The following USP35 variants were observed in gnomAD, a reference collection of about 807,000 sequenced individuals.
USP35 encodes ubiquitin specific peptidase 35, also known as ubiquitin carboxyl-terminal hydrolase 35.
USP35 carries 69 observed loss-of-function variants against 83.8 expected under a neutral mutation model. The ratio of observed to expected loss-of-function variants is 0.82; its 90% CI spans 0.68 to 1.01. The LOEUF (loss-of-function observed/expected upper bound fraction) is 1.01, where lower values mean the gene tolerates loss of function less well. USP35 is among the 50% of genes least tolerant of loss of function. The probability of loss-of-function intolerance (pLI) is 0.00; values close to 1 mark genes in which losing one functional copy is unlikely to be tolerated. For synonymous variants in USP35, 714 were observed against 589.5 expected (o/e 1.21, Z -3.06); for missense variants, 1,503 against 1,362.5 (o/e 1.10, Z -1.62).
chr11:78,191,810 A>G (rs145526344), intron 1 of USP35, among the ~76,000 whole-genome samples: 6 of 151,864 alleles, frequency 4.0e-5, no homozygotes, highest in Non-Finnish European at 8.8e-5. Context: ...CAGGTGGCCC[A>G]AAAATAGACT....
chr11:78,222,192 T>G, the USP35 span: 2 of 1,612,060 alleles, frequency 1.2e-6, no homozygotes, highest in South Asian at 2.2e-5. Context: ...TGGTGTTGGC[T>G]TTGCTGGAGC....
At position 78,213,780 on chromosome 11, in the gene USP35, C is replaced by CA; in HGVS notation, c.3026dup (p.Asn1009LysfsTer4). On this transcript the variant is annotated frameshift_variant, in exon 11 of 11. Transcript: ENST00000529308. LOFTEE classifies it high-confidence loss of function. ...CAGGGGGCTGCAATCCTGCAGGTGG[C>CA]AATGGTGGTGACTTCCACAGACTGG... is the stretch of plus-strand genomic sequence containing the variant. The CA allele has an allele frequency of 6.4e-7, 1 of 1,550,472 alleles. No homozygotes were observed. Among genetic ancestry groups the CA allele is most frequent in the Non-Finnish European group, 8.6e-7 (1 of 1,156,646 alleles).
chr11:78,224,063 C>G, the USP35 span, among the ~76,000 whole-genome samples: 1 of 151,972 alleles, frequency 6.6e-6, no homozygotes, highest in African/African-American at 2.4e-5. Flanking sequence ...GCCTGGGTGA[C>G]AGAGTGAGAC....
At chr11:78,217,514 GT>G (rs1017976768), downstream of USP35, 2 of 152,308 alleles carry the variant, frequency 1.3e-5, no homozygotes, top group Non-Finnish European at 2.9e-5. Flanking sequence ...AGTGGTAGCT[GT>G]CCCCATCAAA....
At chr11:78,227,303 A>C in the USP35 span, among the ~76,000 whole-genome samples, 1 of 152,250 alleles carries the variant, frequency 6.6e-6, no homozygotes, top group East Asian at 1.9e-4. Flanking sequence ...AGTATCAATA[A>C]GCCAGATGGA....
rs781468162 is a variant in USP35, at chr11:78,205,921, C to T, written c.1277C>T (p.Ala426Val). 34 of 1,614,124 alleles carry T rather than the reference C, an allele frequency of 2.1e-5. No individual in the cohort carries two copies. The highest frequency in any genetic ancestry group is 2.7e-5 in the Non-Finnish European group (32 of 1,180,048). Residue 426 changes from alanine to valine, a missense_variant, in exon 7 of 11, where the codon GCG (alanine) becomes GTG (valine). Ala to Val is a moderately conservative substitution (Grantham distance 64). Coordinates refer to ENST00000529308, the MANE Select transcript of USP35 (RefSeq NM_020798.4). ...TGGACTTCGCAGAAGAGCGAGCTGG[C>T]GGGTTTCTATCCCCGGCTCATGGCC... ...DAWTSQKSELAGFYPRLMAKS... is the reference protein window; with the variant it reads ...DAWTSQKSELVGFYPRLMAKS...
the USP35 span, among the ~76,000 whole-genome samples, chr11:78,233,732 C>A: frequency 6.6e-6 from 1 of 152,138 alleles, no homozygotes; most frequent in Non-Finnish European, 1.5e-5. Context: ...TCAGCCTCGC[C>A]AGTAGCTGGC....
chr11:78,220,299 C>T, the USP35 span: 12 of 1,611,564 alleles, frequency 7.4e-6, no homozygotes, highest in Middle Eastern at 2.2e-4. Flanking sequence ...TTACTGCCCC[C>T]CCAACTCTAC....
Position 78,214,233 on chromosome 11 carries a change from A to AAG in USP35, c.*421_*422dup, listed in dbSNP as rs1210107742. On this transcript the variant is annotated 3_prime_UTR_variant, in exon 11 of 11. Transcript: ENST00000529308. ...CACAGCAGGATCCAAGCCTTGCACA[A>AAG]AGGGGTGGGGGGGGCAGTGTCTCCT... The AAG allele has an allele frequency of 1.8e-5, 2 of 111,960 alleles. No homozygotes were observed. Among genetic ancestry groups the AAG allele is most frequent in the African/African-American group, 4.3e-5 (1 of 23,414 alleles). 6.9% of individuals were successfully genotyped at this position (111,960 alleles called of 1,614,324 possible). A position where few individuals can be genotyped will look rare whatever the true frequency, so the allele number is the denominator to read the frequency against.
At chr11:78,199,494 C>T (rs1049101592) in intron 3 of USP35, 101 bp from the exon 4 acceptor site, 6 of 1,547,254 alleles carry the variant, frequency 3.9e-6, no homozygotes, top group Admixed American at 3.6e-5. Context: ...AGGTGTGAGT[C>T]AATGTGGGAA....
chr11:78,216,677 CG>C (rs1864164748), downstream of USP35: 1 of 152,192 alleles, frequency 6.6e-6, no homozygotes, highest in South Asian at 2.1e-4. Context: ...AGTCGCTCTC[CG>C]AAGATTCCAG....
chr11:78,221,624 T>A, the USP35 span: 1 of 1,077,246 alleles, frequency 9.3e-7, no homozygotes, highest in Non-Finnish European at 1.4e-6. Flanking sequence ...AACTGAGGGG[T>A]GGGTCCCAGG....
chr11:78,189,866 C>T (rs1862948914), intron 1 of USP35, among the ~76,000 whole-genome samples: 1 of 152,182 alleles, frequency 6.6e-6, no homozygotes, highest in African/African-American at 2.4e-5. Flanking sequence ...CAGACATGGG[C>T]CTCCCGGAGT....
At position 78,200,229 on chromosome 11, in the gene USP35, C is replaced by T. The variant is rs547529805; in HGVS notation, c.1033C>T (p.His345Tyr). Residue 345 changes from histidine to tyrosine, a missense_variant, in exon 5 of 11, where the codon CAC (histidine) becomes TAC (tyrosine). Physicochemically the swap from His to Tyr is moderately conservative, Grantham distance 83. Coordinates refer to ENST00000529308, the MANE Select transcript of USP35 (RefSeq NM_020798.4). Reference protein sequence around the residue: ...LTFQHSHEAFHLLLPHIPPMV... With the variant: ...LTFQHSHEAFYLLLPHIPPMV... ...CTTCCAGCACTCCCACGAAGCCTTC[C>T]ACCTGGTAAGGTCCCCTGCCTGCTG... The T allele has an allele frequency of 3.1e-6, 5 of 1,613,750 alleles. No individual in the cohort carries two copies. The African/African-American group carries it at 4.0e-5, about 13-fold the overall frequency.
the USP35 span, chr11:78,226,620 G>GGGCC: frequency 6.7e-7 from 1 of 1,500,584 alleles, no homozygotes; most frequent in Non-Finnish European, 9.3e-7. Flanking sequence ...GCGGGGTGGG[G>GGGCC]GAGCTATGGC....
At chr11:78,199,756 G>C in intron 4 of USP35, 32 bp downstream of exon 4, 1 of 1,614,066 alleles carries the variant, frequency 6.2e-7, no homozygotes, top group Non-Finnish European at 8.5e-7. Flanking sequence ...CAGAGTTACA[G>C]CCTTTTGTAC....
In USP35 at chr11:78,206,021, A is replaced by T. The variant is rs765536803; in HGVS notation, c.1377A>T (p.Leu459Phe). The T allele has an allele frequency of 2.5e-6, 4 of 1,612,458 alleles. No homozygotes were observed. In the South Asian group the frequency reaches 4.4e-5, roughly 18 times the overall value. ...ATGTCAACAGCATCCTTCAGGCCTT[A>T]TTCATGGCGTCTGAGTAGGTGCTGC... ...TCYVNSILQA[L>F]FMASDFRHCV... is the part of the protein sequence containing the mutation. Residue 459 changes from leucine to phenylalanine, a missense_variant, in exon 7 of 11, where the codon TTA becomes TTT. By Grantham distance (22) the Leu-to-Phe change is conservative (BLOSUM62 0). Transcript: ENST00000529308.
chr11:78,200,064 C>T, intron 4 of USP35, 69 bp from the exon 5 acceptor site: 1 of 1,547,456 alleles, frequency 6.5e-7, no homozygotes, highest in South Asian at 1.1e-5. Context: ...AGTCCCCTCT[C>T]AGGCTTGTGA....
At chr11:78,202,369 TG>T (rs1264752910) in intron 6 of USP35, among the ~76,000 whole-genome samples, 1 of 152,194 alleles carries the variant, frequency 6.6e-6, no homozygotes, top group Non-Finnish European at 1.5e-5. Context: ...GGCTCTGGAT[TG>T]GGGAAAAAAA....
Sources: allele counts gnomAD v4.1 joint callset (sites outside exome capture counted in the v4.1 genomes callset), GRCh38; gene constraint gnomAD v4.1.1; transcripts MANE v1.5; gene names NCBI Gene and HGNC (gene_info 2026-07-23, HGNC 2026-07-21).